KLF17: variants seen among roughly 807,000 people sequenced by gnomAD.
The protein encoded by KLF17 is KLF transcription factor 17.
A neutral mutation model predicts 34.2 loss-of-function variants in KLF17; 31 were observed. The observed-to-expected ratio is 0.91, with a 90% CI of 0.68 to 1.22. The LOEUF (loss-of-function observed/expected upper bound fraction) is 1.22, where lower values mean the gene tolerates loss of function less well. KLF17 is among the 50% of genes most tolerant of loss of function. The probability of loss-of-function intolerance (pLI) is 0.00; values close to 1 mark genes in which losing one functional copy is unlikely to be tolerated. For synonymous variants in KLF17, 179 were observed against 186.7 expected (o/e 0.96, Z 0.34); for missense variants, 478 against 505.2 (o/e 0.95, Z 0.52).
intron 1 of KLF17, chr1:44,122,100 A>G: frequency 8.8e-7 from 1 of 1,141,296 alleles, no homozygotes. Context: ...CACAACCTGT[A>G]CAAAAAATAT....
chr1:44,049,564 C>A, the KLF17 span, among the ~76,000 whole-genome samples: 1 of 152,250 alleles, frequency 6.6e-6, no homozygotes, highest in Non-Finnish European at 1.5e-5. Flanking sequence ...TTCACTGCAA[C>A]CTCTGCTTCC....
In KLF17 at chr1:44,129,349, C is replaced by T. The variant is rs1018908809; in HGVS notation, c.82-4C>T. ...CAAAAATCACCTGACTCTTTTTCCC[C>T]AAGGATAACGAGAACTCAGCGCCCA... On this transcript the variant is annotated splice_region_variant and splice_polypyrimidine_tract_variant and intron_variant, in intron 1 of 3. Transcript: ENST00000372299. 6.6e-7 allele frequency: 1 copy of T among 1,505,080 alleles called. No homozygotes were observed. The highest frequency in any genetic ancestry group is 1.4e-5 in the African/African-American group (1 of 71,320). The allele number at this position is 1,505,080 out of a possible 1,614,324, so 93.2% of individuals were successfully genotyped here. A position where few individuals can be genotyped will look rare whatever the true frequency, so the allele number is the denominator to read the frequency against.
the KLF17 span, among the ~76,000 whole-genome samples, chr1:44,074,234 T>G: frequency 1.3e-5 from 2 of 152,012 alleles, no homozygotes; most frequent in African/African-American, 4.8e-5. Flanking sequence ...TCACCCCATG[T>G]GTACCCATCT....
In KLF17 at chr1:44,130,549, A is replaced by T; in HGVS notation, c.963A>T (p.Ser321=). 1 of 1,614,072 alleles carries T rather than the reference A, an allele frequency of 6.2e-7. No individual in the cohort carries two copies. ...RPYSCNWESC[S]WSFFRSDELR... ...ATTCTTGCAACTGGGAAAGTTGTTC[A>T]TGGTCTTTCTTCCGTTCTGATGAGC... The change falls in exon 3 of 4, where the codon TCA becomes TCT. Residue 321 remains serine (S), a synonymous_variant. Coordinates refer to ENST00000372299, the MANE Select transcript of KLF17 (RefSeq NM_173484.4).
At chr1:44,077,134 C>A in the KLF17 span, among the ~76,000 whole-genome samples, 99 of 151,846 alleles carry the variant, frequency 6.5e-4, no homozygotes, top group Admixed American at 1.9e-3. Context: ...TAGTTTAGAT[C>A]AGGAGTTCAA....
chr1:44,130,460 C>CTG, intron 2 of KLF17, 52 bp from the exon 3 acceptor site: 1 of 1,609,200 alleles, frequency 6.2e-7, no homozygotes, highest in Non-Finnish European at 8.5e-7. Flanking sequence ...CAGAGTTAGA[C>CTG]CCCTTCCTTC....
chr1:44,104,809 G>A, the KLF17 span: 1 of 192,294 alleles, frequency 5.2e-6, no homozygotes, highest in Non-Finnish European at 1.1e-5. Flanking sequence ...TTCAGCAATG[G>A]GAATGACTGA....
the KLF17 span, among the ~76,000 whole-genome samples, chr1:44,055,803 T>G: frequency 6.6e-6 from 1 of 152,198 alleles, no homozygotes. Context: ...AAGTCTGGAT[T>G]CCTACAATCC....
At chr1:44,094,591 C>T in the KLF17 span, among the ~76,000 whole-genome samples, 1 of 152,154 alleles carries the variant, frequency 6.6e-6, no homozygotes, top group African/African-American at 2.4e-5. Context: ...CATTTATTGA[C>T]AATACTATCC....
chr1:44,067,650 A>G, the KLF17 span, among the ~76,000 whole-genome samples: 4 of 152,160 alleles, frequency 2.6e-5, no homozygotes, highest in Non-Finnish European at 5.9e-5. Context: ...GTCCCTTTGT[A>G]CCCCAGAGAG....
chr1:44,119,039 C>A, intron 1 of KLF17, 51 bp downstream of exon 1: 1 of 1,399,714 alleles, frequency 7.1e-7, no homozygotes, highest in Non-Finnish European at 9.7e-7. Context: ...GGCTAGGGGG[C>A]GGCGGGGAGG....
At chr1:44,114,903 T>C (rs932740610), upstream of KLF17, 24 of 152,324 alleles carry the variant, frequency 1.6e-4, no homozygotes, top group African/African-American at 5.8e-4. Flanking sequence ...CTTTAATAAA[T>C]ATTGCATTCT....
the KLF17 span, among the ~76,000 whole-genome samples, chr1:44,111,577 C>T: frequency 6.7e-6 from 1 of 150,280 alleles, no homozygotes; most frequent in Non-Finnish European, 1.5e-5. Context: ...TTTCAGTCAG[C>T]TTCTAATGTT....
chr1:44,071,172 C>G, the KLF17 span, among the ~76,000 whole-genome samples: 36 of 152,304 alleles, frequency 2.4e-4, 1 homozygote, highest in African/African-American at 8.7e-4. Context: ...CAGAAGTCAG[C>G]TGTATTCTCC....
the KLF17 span, among the ~76,000 whole-genome samples, chr1:44,087,698 C>T: frequency 7.2e-6 from 1 of 138,720 alleles, no homozygotes; most frequent in Non-Finnish European, 1.5e-5. Context: ...ATGCAGAGAG[C>T]TCTCTGGTGC....
chr1:44,127,698 T>TTCTTTCTTTCTTTCTTTCTTTCTTTCTTC (rs2088039412), intron 1 of KLF17, among the ~76,000 whole-genome samples: 1 of 137,658 alleles, frequency 7.3e-6, no homozygotes, highest in Non-Finnish European at 1.5e-5. Context: ...TTCTTTTTCT[T>TTCTTTCTTTCTTTCTTTCTTTCTTTCTTC]TCTTTCTTTC....
chr1:44,128,845 T>A (rs2088061088), intron 1 of KLF17, among the ~76,000 whole-genome samples: 1 of 152,072 alleles, frequency 6.6e-6, no homozygotes, highest in South Asian at 2.1e-4. Context: ...AAACCCCGTC[T>A]CTACTAAAAA....
At chr1:44,086,145 A>G in the KLF17 span, among the ~76,000 whole-genome samples, 3 of 152,246 alleles carry the variant, frequency 2.0e-5, no homozygotes, top group Non-Finnish European at 4.4e-5. Context: ...GAGTATAGAC[A>G]CTTGTGTTGA....
chr1:44,087,672 C>G, the KLF17 span, among the ~76,000 whole-genome samples: 2 of 144,064 alleles, frequency 1.4e-5, no homozygotes, highest in South Asian at 4.4e-4. Context: ...CCTCACATGA[C>G]CTTTCCTCTG....
Sources: gnomAD v4.1 joint callset for allele counts (sites outside exome capture counted in the v4.1 genomes callset) on GRCh38, gnomAD v4.1.1 for gene constraint, MANE v1.5 for transcripts, NCBI Gene and HGNC (gene_info 2026-07-23, HGNC 2026-07-21) for gene names.